The following TMEM117 variants were observed in gnomAD, a reference collection of about 807,000 sequenced individuals.
TMEM117 encodes the protein transmembrane protein 117.
A neutral mutation model predicts 52.4 loss-of-function variants in TMEM117; 27 were observed. That is an observed-to-expected ratio of 0.51 (90% CI 0.38 to 0.71). The LOEUF (loss-of-function observed/expected upper bound fraction) is 0.71. Ranked by LOEUF, TMEM117 falls within the 30% of genes least tolerant of loss-of-function variation. TMEM117 has a pLI of 0.00. For synonymous variants in TMEM117, 215 were observed against 206.3 expected (o/e 1.04, Z -0.36); for missense variants, 556 against 630.5 (o/e 0.88, Z 1.26).
chr12:43,923,757 T>C (rs575681853), intron 2 of TMEM117, among the ~76,000 whole-genome samples: 1 of 152,302 alleles, frequency 6.6e-6, no homozygotes, highest in Non-Finnish European at 1.5e-5. Context: ...TACAGAGTCA[T>C]GTAAAACCAT....
In TMEM117 at chr12:44,218,550, A is replaced by G. The variant is rs191448521; in HGVS notation, c.608+7163A>G. Among the ~76,000 whole-genome samples, 9 of 152,290 alleles carry G rather than the reference A, an allele frequency of 5.9e-5. 1 individual carries two copies. The highest frequency in any genetic ancestry group is 5.9e-4 in the Admixed American group (9 of 15,288). On this transcript the variant is annotated intron_variant, in intron 5 of 7. Transcript: ENST00000266534. Reference sequence around the variant, plus strand: ...ATCATACTCAGTGGTAAAACCCGAAAGCTTCTCCTCTGAACATGCCAAGGT... The same window carrying G: ...ATCATACTCAGTGGTAAAACCCGAAGGCTTCTCCTCTGAACATGCCAAGGT...
chr12:44,346,689 C>T (rs545006315), intron 6 of TMEM117, among the ~76,000 whole-genome samples: 7 of 152,168 alleles, frequency 4.6e-5, no homozygotes, highest in Admixed American at 2.0e-4. Context: ...GTGTCAAATG[C>T]GGCTTGACCA....
At chr12:43,854,894 C>T (rs1209810410) in intron 2 of TMEM117, among the ~76,000 whole-genome samples, 1 of 152,172 alleles carries the variant, frequency 6.6e-6, no homozygotes, top group Admixed American at 6.6e-5. Flanking sequence ...GCCTTGGCCT[C>T]CCAAAGTGCT....
At chr12:43,915,509 C>G (rs965328689) in intron 2 of TMEM117, among the ~76,000 whole-genome samples, 1 of 152,170 alleles carries the variant, frequency 6.6e-6, no homozygotes, top group Non-Finnish European at 1.5e-5. Context: ...GCTTCTTATA[C>G]AAACTGATCT....
intron 6 of TMEM117, among the ~76,000 whole-genome samples, chr12:44,324,996 T>G (rs1951177390): frequency 6.6e-6 from 1 of 152,170 alleles, no homozygotes; most frequent in Non-Finnish European, 1.5e-5. Context: ...AGTGGTTATT[T>G]CATCTCTCAT....
At chr12:43,831,121 C>A (rs534655948), upstream of TMEM117, among the ~76,000 whole-genome samples, 1 of 152,222 alleles carries the variant, frequency 6.6e-6, no homozygotes, top group East Asian at 1.9e-4. Flanking sequence ...TAGAAAATTG[C>A]CAAAGAAAAT....
intron 3 of TMEM117, 144 bp from the exon 4 acceptor site, chr12:44,143,381 C>A: frequency 2.0e-6 from 1 of 512,206 alleles, no homozygotes; most frequent in Non-Finnish European, 3.4e-6. Flanking sequence ...CTTAGACTTC[C>A]AGATTTGTAA....
intron 2 of TMEM117, among the ~76,000 whole-genome samples, chr12:43,857,126 C>T (rs1004180595): frequency 6.6e-6 from 1 of 152,196 alleles, no homozygotes; most frequent in African/African-American, 2.4e-5. Flanking sequence ...GTCAGTTGCA[C>T]ATCCATTAGC....
At chr12:44,304,350 T>C (rs1196559215) in intron 6 of TMEM117, among the ~76,000 whole-genome samples, 1 of 152,178 alleles carries the variant, frequency 6.6e-6, no homozygotes, top group East Asian at 1.9e-4. Flanking sequence ...AACTGCAGGC[T>C]AAAGTGCTTT....
chr12:44,392,385 C>T (rs1204681895), downstream of TMEM117, among the ~76,000 whole-genome samples: 3 of 152,078 alleles, frequency 2.0e-5, no homozygotes, highest in Non-Finnish European at 4.4e-5. Flanking sequence ...ATGAAAGGAA[C>T]TTTACCATAA....
At chr12:44,248,819 GT>G in intron 5 of TMEM117, 1 of 166,126 alleles carries the variant, frequency 6.0e-6, no homozygotes. Context: ...GCTTCTTTTG[GT>G]TTTCTGGGGG....
At chr12:43,943,046 C>T (rs140180348) in intron 2 of TMEM117, among the ~76,000 whole-genome samples, 1,770 of 151,816 alleles carry the variant, frequency 0.012, 41 homozygotes, top group East Asian at 0.07. Flanking sequence ...GGCATGGTGG[C>T]GCATGCCTGT....
At chr12:44,039,227 A>G (rs1191326211) in intron 3 of TMEM117, among the ~76,000 whole-genome samples, 3 of 152,016 alleles carry the variant, frequency 2.0e-5, no homozygotes, top group Non-Finnish European at 4.4e-5. Context: ...GCCTTTCCCC[A>G]TTCTTTCACA....
chr12:44,064,516 G>T (rs56337317), intron 3 of TMEM117, among the ~76,000 whole-genome samples: 14,802 of 152,182 alleles, frequency 0.097, 1,121 homozygotes, highest in African/African-American at 0.21. Flanking sequence ...AGGAGTGTGT[G>T]TGTGTGCTTT....
intron 3 of TMEM117, among the ~76,000 whole-genome samples, chr12:44,085,573 A>G (rs953346509): frequency 6.6e-6 from 1 of 152,216 alleles, no homozygotes; most frequent in Non-Finnish European, 1.5e-5. Context: ...GGGGTTCAAG[A>G]GTCCATTTTC....
intron 5 of TMEM117, among the ~76,000 whole-genome samples, chr12:44,233,955 A>T (rs1375537157): frequency 6.6e-6 from 1 of 151,410 alleles, no homozygotes; most frequent in African/African-American, 2.4e-5. Context: ...TCTGGTATAA[A>T]CAGAATTTAG....
intron 3 of TMEM117, among the ~76,000 whole-genome samples, chr12:44,092,560 A>G (rs899034463): frequency 6.6e-6 from 1 of 152,184 alleles, no homozygotes; most frequent in African/African-American, 2.4e-5. Flanking sequence ...TGAAATAACA[A>G]CACCTCTCGC....
intron 6 of TMEM117, among the ~76,000 whole-genome samples, chr12:44,340,013 G>A (rs1043864150): frequency 7.2e-5 from 11 of 152,062 alleles, no homozygotes; most frequent in Non-Finnish European, 1.6e-4. Flanking sequence ...AGCTAAAATA[G>A]TTTTTGCATT....
At chr12:44,313,859 G>A (rs924242746) in intron 6 of TMEM117, among the ~76,000 whole-genome samples, 1 of 151,918 alleles carries the variant, frequency 6.6e-6, no homozygotes, top group Non-Finnish European at 1.5e-5. Flanking sequence ...TTTTGTGTGG[G>A]TGGGTATTGT....
Sources: allele counts gnomAD v4.1 joint callset (sites outside exome capture counted in the v4.1 genomes callset), GRCh38; gene constraint gnomAD v4.1.1; transcripts MANE v1.5; gene names NCBI Gene and HGNC (gene_info 2026-07-23, HGNC 2026-07-21).